PLEKHA6: variants seen among roughly 807,000 people sequenced by gnomAD.
PLEKHA6 encodes pleckstrin homology domain-containing family A member 6.
In PLEKHA6, 60 loss-of-function variants were observed where a neutral mutation model predicts 116.7. The ratio of observed to expected loss-of-function variants is 0.51; its 90% CI spans 0.42 to 0.64. The LOEUF is 0.64. Among genes scored for constraint, PLEKHA6 ranks in the 30% least tolerant of loss-of-function variants. The probability of loss-of-function intolerance (pLI) is 0.00; values close to 1 mark genes in which losing one functional copy is unlikely to be tolerated. For missense variants in PLEKHA6, 1,338 were observed against 1,422.7 expected, an observed-to-expected ratio of 0.94 and a Z score of 0.96; for synonymous variants, 489 against 556.1, an observed-to-expected ratio of 0.88 and a Z score of 1.70.
At chr1:204,303,774 C>T (rs1289898823) in intron 1 of PLEKHA6, among the ~76,000 whole-genome samples, 5 of 152,124 alleles carry the variant, frequency 3.3e-5, no homozygotes, top group Non-Finnish European at 4.4e-5. Context: ...AGTACAGAGG[C>T]GCAATCACGG....
At chr1:204,320,468 A>G in intron 1 of PLEKHA6, 1 of 982,248 alleles carries the variant, frequency 1.0e-6, no homozygotes, top group Non-Finnish European at 1.2e-6. Flanking sequence ...TGGCTTCTAT[A>G]GGAAGGGGCT....
intron 1 of PLEKHA6, among the ~76,000 whole-genome samples, chr1:204,300,612 C>T (rs562263535): frequency 6.6e-6 from 1 of 152,188 alleles, no homozygotes; most frequent in South Asian, 2.1e-4. Context: ...CAGAAAGTAC[C>T]CCCCTAATCA....
Position 204,257,772 on chromosome 1 carries a change from C to T in PLEKHA6, c.1105G>A (p.Val369Met). The change falls in exon 9 of 23, where the codon GTG (valine) becomes ATG (methionine). Residue 369 changes from valine to methionine, a missense_variant. Coordinates refer to ENST00000272203, the MANE Select transcript of PLEKHA6 (RefSeq NM_014935.5). The surrounding 1 kb of genome is among the most constrained non-coding windows in gnomAD (Gnocchi z 6.5). ...ATGGAACAGATGCTCTCCGGCCGCA[C>T]TCCTGGCGGGTAGTACTGATAATCA... ...PDDYQYYPPG[V>M]RPESICSMPA... 6.2e-7 allele frequency: 1 copy of T among 1,614,070 alleles called. No homozygotes were observed. The highest frequency in any genetic ancestry group is 8.5e-7 in the Non-Finnish European group (1 of 1,180,004).
intron 9 of PLEKHA6, among the ~76,000 whole-genome samples, chr1:204,254,434 T>C (rs528997951): frequency 1.3e-5 from 2 of 152,056 alleles, no homozygotes; most frequent in South Asian, 2.1e-4. Context: ...AGCTATAGCA[T>C]CTCATTTAAA....
intron 1 of PLEKHA6, among the ~76,000 whole-genome samples, chr1:204,323,423 C>T (rs1377608328): frequency 6.6e-6 from 1 of 152,242 alleles, no homozygotes; most frequent in Non-Finnish European, 1.5e-5. Flanking sequence ...GCTGAATCAT[C>T]AATAGAAATT....
intron 2 of PLEKHA6, among the ~76,000 whole-genome samples, chr1:204,368,225 T>C (rs1319214575): frequency 6.6e-6 from 1 of 152,096 alleles, no homozygotes; most frequent in Non-Finnish European, 1.5e-5. Flanking sequence ...ACACAGATGG[T>C]TCCCCTGGAA....
intron 3 of PLEKHA6, among the ~76,000 whole-genome samples, 161 bp from the exon 4 acceptor site, chr1:204,268,473 C>G (rs991026508): frequency 6.6e-6 from 1 of 151,894 alleles, no homozygotes; most frequent in Non-Finnish European, 1.5e-5. Flanking sequence ...ATTACTAATT[C>G]AAGAGCAGAG....
chr1:204,351,341 C>T (rs957764846), intron 1 of PLEKHA6, among the ~76,000 whole-genome samples: 1 of 152,196 alleles, frequency 6.6e-6, no homozygotes, highest in Non-Finnish European at 1.5e-5. Flanking sequence ...AGTTCCATCA[C>T]CCAAGCCGAA....
chr1:204,364,175 C>G (rs1397586123), upstream of PLEKHA6, among the ~76,000 whole-genome samples: 1 of 152,230 alleles, frequency 6.6e-6, no homozygotes, highest in East Asian at 1.9e-4. Flanking sequence ...TACTTGGAAT[C>G]CATGTCTGAA....
At chr1:204,335,706 T>C (rs1672623424) in intron 1 of PLEKHA6, among the ~76,000 whole-genome samples, 1 of 151,916 alleles carries the variant, frequency 6.6e-6, no homozygotes, top group African/African-American at 2.4e-5. Flanking sequence ...GTCATGTCAT[T>C]CCCTCCCCTT....
intron 6 of PLEKHA6, among the ~76,000 whole-genome samples, 161 bp downstream of exon 6, chr1:204,264,781 G>A (rs1437482826): frequency 6.6e-6 from 1 of 152,054 alleles, no homozygotes; most frequent in African/African-American, 2.4e-5. Context: ...TGAGTCTAGG[G>A]GCCATTACTA....
chr1:204,315,612 A>G (rs1400886369), intron 1 of PLEKHA6, among the ~76,000 whole-genome samples: 1 of 152,144 alleles, frequency 6.6e-6, no homozygotes, highest in African/African-American at 2.4e-5. Context: ...CTCCGCCGTG[A>G]AGTTGTAGGC....
intron 1 of PLEKHA6, among the ~76,000 whole-genome samples, chr1:204,326,474 A>T (rs1490857910): frequency 6.6e-6 from 1 of 152,192 alleles, no homozygotes; most frequent in Non-Finnish European, 1.5e-5. Flanking sequence ...CATTCTAACA[A>T]GACTTTGCAT....
intron 1 of PLEKHA6, among the ~76,000 whole-genome samples, chr1:204,357,645 G>T (rs1426919810): frequency 6.6e-6 from 1 of 152,214 alleles, no homozygotes; most frequent in Non-Finnish European, 1.5e-5. Context: ...CCATGGGTGC[G>T]CCAAGACCAG....
chr1:204,257,702 T>A lies in PLEKHA6; in HGVS notation c.1175A>T (p.Lys392Met). The A allele has an allele frequency of 6.2e-7, 1 of 1,612,340 alleles. No individual in the cohort carries two copies. Among genetic ancestry groups the A allele is most frequent in the Non-Finnish European group, 8.5e-7 (1 of 1,179,370 alleles). Residue 392 changes from lysine to methionine, a missense_variant, in exon 9 of 23, where the codon AAG becomes ATG. Coordinates refer to ENST00000272203, the MANE Select transcript of PLEKHA6 (RefSeq NM_014935.5). This position sits in a 1 kb window ranked among gnomAD's most constrained non-coding sequence, Gnocchi z 6.5. ...RISPPWALEDKRHAFRNGGGP... is the reference protein window; with the variant it reads ...RISPPWALEDMRHAFRNGGGP... ...ACCCCCATTGCGGAAGGCATGGCGC[T>A]TGTCCTCCAGGGCCCAGGGCGGGCT...
intron 1 of PLEKHA6, among the ~76,000 whole-genome samples, chr1:204,349,342 C>A (rs1013781150): frequency 3.9e-5 from 6 of 152,096 alleles, no homozygotes; most frequent in Admixed American, 6.5e-5. Flanking sequence ...AGTTCGAGAC[C>A]AGCCTGGCCA....
chr1:204,302,614 C>G (rs1051223317), intron 1 of PLEKHA6, among the ~76,000 whole-genome samples: 2 of 152,196 alleles, frequency 1.3e-5, no homozygotes, highest in Non-Finnish European at 2.9e-5. Context: ...CAGTGGCTCA[C>G]GCCTATAATA....
intron 1 of PLEKHA6, chr1:204,347,024 G>A: frequency 2.8e-6 from 4 of 1,436,942 alleles, no homozygotes; most frequent in Non-Finnish European, 3.9e-6. Flanking sequence ...CCTTTAACTT[G>A]TTTGTTTACA....
In PLEKHA6 at chr1:204,261,068, C is replaced by T. The variant is rs1020148526; in HGVS notation, c.524+238G>A. 6.6e-6 allele frequency among the ~76,000 whole-genome samples: 1 copy of T among 152,240 alleles called. No individual in the cohort carries two copies. Among genetic ancestry groups the T allele is most frequent in the East Asian group, 1.9e-4 (1 of 5,192 alleles). On this transcript the variant is annotated intron_variant, in intron 7 of 22. Coordinates refer to ENST00000272203, the MANE Select transcript of PLEKHA6 (RefSeq NM_014935.5). This position sits in a 1 kb window ranked among gnomAD's most constrained non-coding sequence, Gnocchi z 4.0. ...CTGGCCAGACCCCAATGGAACCTGG[C>T]TTTTCTCTTGGCCTTCCCGAGCTCA...
Sources: gnomAD v4.1 joint callset for allele counts (sites outside exome capture counted in the v4.1 genomes callset) on GRCh38, gnomAD v4.1.1 for gene constraint, Gnocchi (gnomAD v3.1) non-coding constraint, MANE v1.5 for transcripts, NCBI Gene and HGNC (gene_info 2026-07-23, HGNC 2026-07-21) for gene names.